Variants in IQSEC1 observed in about 807,000 individuals in gnomAD.
The protein encoded by IQSEC1 is IQ motif and SEC7 domain-containing protein 1.
A neutral mutation model predicts 91.0 loss-of-function variants in IQSEC1; 31 were observed. That is an observed-to-expected ratio of 0.34 (90% CI 0.26 to 0.46). The LOEUF (loss-of-function observed/expected upper bound fraction) is 0.46. IQSEC1 is among the 20% of genes least tolerant of loss of function. The pLI is 1.00. For synonymous variants in IQSEC1, 699 were observed against 662.6 expected (o/e 1.05, Z -0.84); for missense variants, 1,388 against 1,575.6 (o/e 0.88, Z 2.02).
At chr3:13,125,991 T>C (rs2124904091) in intron 2 of IQSEC1, among the ~76,000 whole-genome samples, 1 of 152,356 alleles carries the variant, frequency 6.6e-6, no homozygotes, top group East Asian at 1.9e-4. Context: ...TTTGGTGTTC[T>C]CAATATTAAA....
At chr3:13,063,476 G>A (rs1022756596) in intron 1 of IQSEC1, among the ~76,000 whole-genome samples, 5 of 152,246 alleles carry the variant, frequency 3.3e-5, no homozygotes, top group African/African-American at 4.8e-5. Context: ...CAGGAATGCT[G>A]CGGGCACAGG....
chr3:13,224,829 C>T (rs1694723690), intron 1 of IQSEC1, among the ~76,000 whole-genome samples: 1 of 152,216 alleles, frequency 6.6e-6, no homozygotes, highest in Admixed American at 6.5e-5. Flanking sequence ...ATGGGAGCTG[C>T]CCTGGCTTAA....
At chr3:13,099,987 G>A (rs1174919271) in intron 2 of IQSEC1, among the ~76,000 whole-genome samples, 1 of 122,568 alleles carries the variant, frequency 8.2e-6, no homozygotes, top group Non-Finnish European at 1.8e-5. Flanking sequence ...GAGGTGACGG[G>A]GACAGTGGGA....
Position 12,908,571 on chromosome 3 carries a change from G to A in IQSEC1, c.2579-46C>T. 1 of 1,599,762 alleles carries A rather than the reference G, an allele frequency of 6.3e-7. No homozygotes were observed. Among genetic ancestry groups the A allele is most frequent in the Non-Finnish European group, 8.6e-7 (1 of 1,169,104 alleles). On this transcript the variant is annotated intron_variant, in intron 11 of 13. Coordinates refer to ENST00000613206, the MANE Select transcript of IQSEC1 (RefSeq NM_001134382.3). This position sits in a 1 kb window ranked among gnomAD's most constrained non-coding sequence, Gnocchi z 4.9. The stretch of plus-strand genomic sequence containing the variant: ...GTCCTGGTGAGAGGAGCACAGCCTA[G>A]AGTGGGCAGGAGACGGGGCCTTCTG...
At position 12,935,799 on chromosome 3, in the gene IQSEC1, T is replaced by C; in HGVS notation, c.1217A>G (p.His406Arg). The C allele has an allele frequency of 6.2e-7, 1 of 1,607,250 alleles. No individual in the cohort carries two copies. Among genetic ancestry groups the C allele is most frequent in the Non-Finnish European group, 8.5e-7 (1 of 1,179,740 alleles). The change falls in exon 3 of 14, where the codon CAT becomes CGT. Residue 406 changes from histidine to arginine, a missense_variant. His to Arg is a conservative substitution (Grantham distance 29, BLOSUM62 0). Transcript: ENST00000613206. This position sits in a 1 kb window ranked among gnomAD's most constrained non-coding sequence, Gnocchi z 8.0. ...SLGGQQGSPK[H>R]GPHSGAPKSL... ...CTTGGGGGCGCCGCTGTGGGGACCA[T>C]GCTTGGGACTGCCCTGCTGCCCGCC...
intron 1 of IQSEC1, among the ~76,000 whole-genome samples, chr3:13,054,230 G>A (rs1028028761): frequency 5.3e-5 from 8 of 152,192 alleles, no homozygotes; most frequent in African/African-American, 1.4e-4. Flanking sequence ...CCAATTCCCG[G>A]CATGGCTGGG....
At chr3:13,201,484 C>T (rs1694245879) in intron 1 of IQSEC1, among the ~76,000 whole-genome samples, 1 of 152,196 alleles carries the variant, frequency 6.6e-6, no homozygotes, top group South Asian at 2.1e-4. Context: ...TTGCATACCA[C>T]CAGGCCCAGC....
rs1421838372 is a variant in IQSEC1, at chr3:13,103,805, G to A, written c.303-56283C>T. On this transcript the variant is annotated intron_variant, in intron 2 of 15. Coordinates refer to the IQSEC1 transcript ENST00000648114. This position sits in a 1 kb window ranked among gnomAD's most constrained non-coding sequence, Gnocchi z 4.1. The stretch of plus-strand genomic sequence containing the variant: ...CCCTACGAGGGCAGGGGCTGTGTCT[G>A]CCTCCATCACTGCTCTCTCCCCAGC... 6.6e-6 allele frequency among the ~76,000 whole-genome samples: 1 copy of A among 152,182 alleles called. No homozygotes were observed. Among genetic ancestry groups the A allele is most frequent in the African/African-American group, 2.4e-5 (1 of 41,444 alleles).
chr3:13,142,531 T>C (rs1305248580), intron 2 of IQSEC1, among the ~76,000 whole-genome samples: 1 of 152,242 alleles, frequency 6.6e-6, no homozygotes, highest in Admixed American at 6.5e-5. Flanking sequence ...TCCTCCCTGC[T>C]GCCCAGCTCC....
At chr3:13,097,050 C>T (rs360754) in intron 2 of IQSEC1, among the ~76,000 whole-genome samples, 16,059 of 151,978 alleles carry the variant, frequency 0.11, 994 homozygotes, top group African/African-American at 0.17. Context: ...TTAGTAGAGA[C>T]GGGGTTTCAC....
chr3:13,038,811 A>G (rs988440494), intron 1 of IQSEC1, among the ~76,000 whole-genome samples: 24 of 152,202 alleles, frequency 1.6e-4, no homozygotes, highest in African/African-American at 5.8e-4. Flanking sequence ...TAAGCCATGA[A>G]TTCTCCATGA....
intron 1 of IQSEC1, among the ~76,000 whole-genome samples, chr3:13,266,866 A>G (rs1695499578): frequency 2.0e-5 from 3 of 152,152 alleles, no homozygotes; most frequent in African/African-American, 4.8e-5. Flanking sequence ...GGGGTGCTCC[A>G]GGGGCACATC....
At chr3:13,134,261 CA>C (rs1053354972) in intron 2 of IQSEC1, among the ~76,000 whole-genome samples, 2 of 152,224 alleles carry the variant, frequency 1.3e-5, no homozygotes, top group Non-Finnish European at 2.9e-5. Flanking sequence ...AGGCATCCCA[CA>C]GGCCATGTTC....
At chr3:13,161,825 A>C (rs552217720) in intron 2 of IQSEC1, among the ~76,000 whole-genome samples, 5 of 152,000 alleles carry the variant, frequency 3.3e-5, no homozygotes, top group African/African-American at 1.2e-4. Context: ...CTGTCTGTGC[A>C]CCCTGCTGGG....
intron 2 of IQSEC1, among the ~76,000 whole-genome samples, chr3:13,116,730 C>A (rs1194967571): frequency 6.6e-6 from 1 of 152,016 alleles, no homozygotes; most frequent in Non-Finnish European, 1.5e-5. Context: ...GTGAAACCGT[C>A]TCTACTAAAA....
chr3:12,901,328 G>C lies in IQSEC1; in HGVS notation c.3000C>G (p.Val1000=). 2 of 1,447,120 alleles carry C rather than the reference G, an allele frequency of 1.4e-6. No homozygotes were observed. The highest frequency in any genetic ancestry group is 1.9e-6 in the Non-Finnish European group (2 of 1,080,648). The allele number at this position is 1,447,120 out of a possible 1,614,324, so 89.6% of individuals were successfully genotyped here. A position where few individuals can be genotyped will look rare whatever the true frequency, so the allele number is the denominator to read the frequency against. Residue 1000 remains valine (V), a synonymous_variant, in exon 14 of 14, where the codon GTC becomes GTG. Transcript: ENST00000613206. Reference sequence around the variant, plus strand: ...CCACAGAGTGCTGCAAGTGAGGCAGGACCACCGGTGGGTGGGGGGGTGGCA... The same window carrying C: ...CCACAGAGTGCTGCAAGTGAGGCAGCACCACCGGTGGGTGGGGGGGTGGCA... ...PALPPPHPPV[V]LPHLQHSVAG... is the part of the protein sequence containing the mutation.
At chr3:13,014,559 A>T (rs536605052) in intron 1 of IQSEC1, among the ~76,000 whole-genome samples, 23 of 152,282 alleles carry the variant, frequency 1.5e-4, no homozygotes, top group Non-Finnish European at 3.2e-4. Context: ...GTTGGGCTCC[A>T]GTCCTAAGGA....
At position 13,135,685 on chromosome 3, in the gene IQSEC1, C is replaced by G. The variant is rs547000349; in HGVS notation, c.302+28419G>C. On this transcript the variant is annotated intron_variant, in intron 2 of 15. Transcript: ENST00000648114. ...GAGAAGGGGGTCTCTTCGACACAGACGCCTCACTGTGCACAGGACACTGGA... is the reference window on the plus strand; with the variant it reads ...GAGAAGGGGGTCTCTTCGACACAGAGGCCTCACTGTGCACAGGACACTGGA... Among the ~76,000 whole-genome samples the G allele has an allele frequency of 2.0e-5, 3 of 152,180 alleles. No individual in the cohort carries two copies. The South Asian group carries it at 6.2e-4, about 32-fold the overall frequency.
At chr3:12,991,158 G>T (rs1274278972) in intron 1 of IQSEC1, among the ~76,000 whole-genome samples, 3 of 152,132 alleles carry the variant, frequency 2.0e-5, no homozygotes, top group African/African-American at 7.2e-5. Context: ...GCTTTGCATC[G>T]CCCTTCTGTT....
Sources: allele counts gnomAD v4.1 joint callset (sites outside exome capture counted in the v4.1 genomes callset), GRCh38; gene constraint gnomAD v4.1.1; non-coding constraint Gnocchi (gnomAD v3.1); transcripts MANE v1.5; gene names NCBI Gene and HGNC (gene_info 2026-07-23, HGNC 2026-07-21).